The following MVB12B variants were observed in gnomAD, a reference collection of about 807,000 sequenced individuals.
MVB12B encodes ESCRT-I complex subunit MVB12B.
MVB12B carries 16 observed loss-of-function variants against 41.6 expected under a neutral mutation model. The ratio of observed to expected loss-of-function variants is 0.38; its 90% confidence interval spans 0.26 to 0.58. MVB12B has a LOEUF of 0.58. MVB12B is among the 20% of genes least tolerant of loss of function. MVB12B has a pLI of 0.62. For missense variants in MVB12B, 274 were observed against 380.2 expected (o/e 0.72, Z 2.32); for synonymous variants, 133 against 139.7 (o/e 0.95, Z 0.34).
Position 126,391,191 on chromosome 9 carries a change from C to A in MVB12B, c.410-875C>A, listed in dbSNP as rs1830940110. 2.0e-5 allele frequency among the ~76,000 whole-genome samples: 3 copies of A among 152,144 alleles called. No individual in the cohort carries two copies. Among genetic ancestry groups the A allele is most frequent in the African/African-American group, 7.2e-5 (3 of 41,428 alleles). On this transcript the variant is annotated intron_variant, in intron 4 of 9. Transcript: ENST00000361171. This position sits in a 1 kb window ranked among gnomAD's most constrained non-coding sequence, Gnocchi z 4.4. ...AGCCTAGACTTACGTGTACCCCGGA[C>A]GGCGTGCATGCCTAAAAAACCTAAC... is the stretch of plus-strand genomic sequence containing the variant.
chr9:126,497,215 C>A (rs1833856014), intron 9 of MVB12B, among the ~76,000 whole-genome samples: 1 of 152,040 alleles, frequency 6.6e-6, no homozygotes, highest in Admixed American at 6.5e-5. Flanking sequence ...CCACATGGAA[C>A]CAGCGGGGCC....
Position 126,340,487 on chromosome 9 carries a change from C to G in MVB12B, c.82-21C>G. The stretch of plus-strand genomic sequence containing the variant: ...ATGCTATGTTTGAATTTTGTGTTTT[C>G]TTTTTCCTTTGCTGAACCAGGACCA... On this transcript the variant is annotated intron_variant, in intron 1 of 9. Transcript: ENST00000361171. The surrounding 1 kb of genome is among the most constrained non-coding windows in gnomAD (Gnocchi z 4.0). 6.2e-7 allele frequency: 1 copy of G among 1,611,742 alleles called. No individual in the cohort carries two copies. The highest frequency in any genetic ancestry group is 8.5e-7 in the Non-Finnish European group (1 of 1,178,922).
At chr9:126,483,937 A>G in intron 8 of MVB12B, 36 bp from the exon 9 acceptor site, 1 of 1,610,372 alleles carries the variant, frequency 6.2e-7, no homozygotes, top group African/African-American at 1.3e-5. Context: ...AGCATTTTCC[A>G]GCTATTTAAA....
chr9:126,458,052 C>A (rs1833019737), intron 7 of MVB12B, among the ~76,000 whole-genome samples: 1 of 152,140 alleles, frequency 6.6e-6, no homozygotes, highest in South Asian at 2.1e-4. Flanking sequence ...CGTCAGTAGC[C>A]CTGCACTCTC....
At chr9:126,428,290 G>A (rs1404698491) in intron 7 of MVB12B, among the ~76,000 whole-genome samples, 1 of 152,158 alleles carries the variant, frequency 6.6e-6, no homozygotes, top group African/African-American at 2.4e-5. Context: ...TAAATTGGAA[G>A]ATGGACATTT....
chr9:126,458,842 T>C (rs1269274816), intron 7 of MVB12B, among the ~76,000 whole-genome samples: 2 of 152,230 alleles, frequency 1.3e-5, no homozygotes, highest in South Asian at 2.1e-4. Context: ...TTAGAAATAC[T>C]GTGTTCCTTA....
At chr9:126,357,920 T>C (rs375248126) in intron 2 of MVB12B, among the ~76,000 whole-genome samples, 10 of 152,338 alleles carry the variant, frequency 6.6e-5, no homozygotes, top group African/African-American at 2.4e-4. Flanking sequence ...AGATTTTTCC[T>C]TCTAATCCCT....
At chr9:126,414,304 C>A (rs1041118458) in intron 6 of MVB12B, among the ~76,000 whole-genome samples, 2 of 152,170 alleles carry the variant, frequency 1.3e-5, no homozygotes, top group African/African-American at 4.8e-5. Flanking sequence ...GCTGGCAGTG[C>A]GTGCTTGCTG....
chr9:126,351,861 T>G (rs1829758266), intron 2 of MVB12B, among the ~76,000 whole-genome samples: 3 of 152,222 alleles, frequency 2.0e-5, no homozygotes, highest in African/African-American at 7.2e-5. Flanking sequence ...TTGAGGGAGT[T>G]CCTTTCCATT....
chr9:126,503,070 C>A, intron 9 of MVB12B, 107 bp from the exon 10 acceptor site: 1 of 1,003,508 alleles, frequency 1.0e-6, no homozygotes, highest in South Asian at 1.4e-5. Flanking sequence ...CAAGATGCCC[C>A]ACGAGGCGGC....
At chr9:126,496,829 G>C (rs1833845978) in intron 9 of MVB12B, among the ~76,000 whole-genome samples, 1 of 152,038 alleles carries the variant, frequency 6.6e-6, no homozygotes, top group African/African-American at 2.4e-5. Flanking sequence ...CTGGGTGGAA[G>C]GTGTTTTGTG....
At chr9:126,479,341 C>G (rs1275108465) in intron 7 of MVB12B, among the ~76,000 whole-genome samples, 1 of 152,198 alleles carries the variant, frequency 6.6e-6, no homozygotes, top group Non-Finnish European at 1.5e-5. Context: ...GTGGTGGGAG[C>G]TGGCACACCT....
At chr9:126,406,242 A>G (rs968500925) in intron 6 of MVB12B, among the ~76,000 whole-genome samples, 2 of 152,026 alleles carry the variant, frequency 1.3e-5, no homozygotes, top group Non-Finnish European at 2.9e-5. Context: ...TGGAACGCTG[A>G]CCCTCTGCTG....
chr9:126,357,973 A>G (rs775141203), intron 2 of MVB12B, among the ~76,000 whole-genome samples: 3 of 152,144 alleles, frequency 2.0e-5, no homozygotes, highest in Admixed American at 6.5e-5. Context: ...TAGATCAATG[A>G]TGTATTTCAA....
intron 2 of MVB12B, among the ~76,000 whole-genome samples, chr9:126,344,047 TAAAAAAAAAA>T (rs80127150): frequency 7.8e-6 from 1 of 128,802 alleles, no homozygotes; most frequent in East Asian, 2.2e-4. Context: ...CTTTTCTTGG[TAAAAAAAAAA>T]AAAAAAAATA....
At position 126,376,423 on chromosome 9, in the gene MVB12B, T is replaced by C; in HGVS notation, c.205-4641T>C. 9.5e-7 allele frequency: 1 copy of C among 1,047,350 alleles called. No homozygotes were observed. Among genetic ancestry groups the C allele is most frequent in the Non-Finnish European group, 1.3e-6 (1 of 769,212 alleles). The allele number at this position is 1,047,350 out of a possible 1,614,324, so 64.9% of individuals were successfully genotyped here. A position where few individuals can be genotyped will look rare whatever the true frequency, so the allele number is the denominator to read the frequency against. ...GCCTGTCCCCAGTGCCTGGTGACCC[T>C]TTGTTGTGGGTTGGGATTTAAGATG... is the stretch of plus-strand genomic sequence containing the variant. On this transcript the variant is annotated intron_variant, in intron 2 of 9. Transcript: ENST00000361171. This position sits in a 1 kb window ranked among gnomAD's most constrained non-coding sequence, Gnocchi z 4.1.
Position 126,386,899 on chromosome 9 carries a change from C to A in MVB12B, c.409+241C>A, listed in dbSNP as rs1203551183. 6.6e-6 allele frequency among the ~76,000 whole-genome samples: 1 copy of A among 151,976 alleles called. No individual in the cohort carries two copies. Among genetic ancestry groups the A allele is most frequent in the African/African-American group, 2.4e-5 (1 of 41,344 alleles). On this transcript the variant is annotated intron_variant, in intron 4 of 9. Transcript: ENST00000361171. This position sits in a 1 kb window ranked among gnomAD's most constrained non-coding sequence, Gnocchi z 4.3. ...GTGCCTTTCTTTTAGAATGGTGCTC[C>A]CTGCTGAATCGGCTCACTGGGGAAT... is the stretch of plus-strand genomic sequence containing the variant.
intron 6 of MVB12B, among the ~76,000 whole-genome samples, chr9:126,420,591 T>G (rs1480556583): frequency 1.0e-5 from 1 of 98,628 alleles, no homozygotes; most frequent in African/African-American, 3.8e-5. Flanking sequence ...TTTTTTTTTT[T>G]TTTGAGGCAG....
intron 1 of MVB12B, among the ~76,000 whole-genome samples, chr9:126,337,228 C>G (rs1362140236): frequency 6.6e-6 from 1 of 152,106 alleles, no homozygotes; most frequent in Non-Finnish European, 1.5e-5. Context: ...TCTGAGCTGT[C>G]GATCCTGCTC....
Sources: allele counts gnomAD v4.1 joint callset (sites outside exome capture counted in the v4.1 genomes callset), GRCh38; gene constraint gnomAD v4.1.1; non-coding constraint Gnocchi (gnomAD v3.1); transcripts MANE v1.5; gene names NCBI Gene and HGNC (gene_info 2026-07-23, HGNC 2026-07-21).